MTCH2: variants seen among roughly 807,000 people sequenced by gnomAD.
MTCH2 encodes the protein mitochondrial carrier homolog 2.
Under a neutral mutation model 50.6 loss-of-function variants are expected in MTCH2, and 25 were observed. The observed-to-expected ratio is 0.49, with a 90% CI of 0.36 to 0.69. MTCH2 has a LOEUF of 0.69. Ranked by LOEUF, MTCH2 falls within the 30% of genes least tolerant of loss-of-function variation. The pLI is 0.00. For synonymous variants in MTCH2, 106 were observed against 132.0 expected (o/e 0.80, Z 1.35); for missense variants, 273 against 384.4 (o/e 0.71, Z 2.42).
intron 1 of MTCH2, among the ~76,000 whole-genome samples, chr11:47,640,141 C>G (rs2097312696): frequency 6.6e-6 from 1 of 151,954 alleles, no homozygotes; most frequent in Non-Finnish European, 1.5e-5. Context: ...CCAGCCTGGC[C>G]AACATGGTGA....
downstream of MTCH2, among the ~76,000 whole-genome samples, chr11:47,614,963 C>T (rs1158006910): frequency 6.8e-6 from 1 of 146,226 alleles, no homozygotes; most frequent in African/African-American, 2.5e-5. Flanking sequence ...TTGTGATCAA[C>T]TAGTTGCAAT....
intron 1 of MTCH2, 48 bp downstream of exon 1, chr11:47,642,331 C>T: frequency 6.6e-7 from 1 of 1,521,226 alleles, no homozygotes; most frequent in Non-Finnish European, 8.9e-7. Flanking sequence ...TGAGCAGCAG[C>T]GACCGAACGG....
intron 1 of MTCH2, 127 bp from the exon 2 acceptor site, chr11:47,639,178 T>C: frequency 1.3e-6 from 1 of 775,310 alleles, no homozygotes; most frequent in South Asian, 1.9e-5. Context: ...GCATAGGTTT[T>C]CCAAGGCAAT....
intron 1 of MTCH2, among the ~76,000 whole-genome samples, chr11:47,641,168 G>A (rs1376411073): frequency 6.6e-6 from 1 of 152,158 alleles, no homozygotes; most frequent in Non-Finnish European, 1.5e-5. Context: ...TGCTGGGAAG[G>A]CGTGAGCGAA....
chr11:47,638,855 A>G (rs2097311376), intron 2 of MTCH2, 50 bp from the exon 3 acceptor site: 6 of 1,559,064 alleles, frequency 3.8e-6, no homozygotes, highest in Non-Finnish European at 5.2e-6. Flanking sequence ...AGAGAAATGG[A>G]TATACTACAA....
intron 1 of MTCH2, among the ~76,000 whole-genome samples, chr11:47,639,739 G>A (rs1042658096): frequency 6.6e-6 from 1 of 152,122 alleles, no homozygotes; most frequent in African/African-American, 2.4e-5. Context: ...TTGGGAGGCT[G>A]AGGCAGGAGA....
In MTCH2 at chr11:47,642,452, G is replaced by A. The variant is rs751816201; in HGVS notation, c.14C>T (p.Ala5Val). 8 of 1,593,952 alleles carry A rather than the reference G, an allele frequency of 5.0e-6. No individual in the cohort carries two copies. Among genetic ancestry groups the A allele is most frequent in the East Asian group, 2.3e-5 (1 of 43,410 alleles). ...ACCGGAGCCCAGGAGCACCTGACTG[G>A]CCGCGTCCGCCATGATGGCACCCGC... MADA[A>V]SQVLLGSGLT... is the part of the protein sequence containing the mutation. Residue 5 changes from alanine to valine, a missense_variant, in exon 1 of 13, where the codon GCC (alanine) becomes GTC (valine). Transcript: ENST00000302503.
At chr11:47,626,502 C>T (rs573472727) in intron 10 of MTCH2, among the ~76,000 whole-genome samples, 16 of 152,086 alleles carry the variant, frequency 1.1e-4, no homozygotes, top group African/African-American at 3.1e-4. Flanking sequence ...AGGAAAGGCA[C>T]GCCCCTTATG....
chr11:47,608,644 G>C, the MTCH2 span, among the ~76,000 whole-genome samples: 1 of 152,098 alleles, frequency 6.6e-6, no homozygotes, highest in Non-Finnish European at 1.5e-5. Context: ...GGCTTGGGGC[G>C]GAAGGATTAA....
intron 5 of MTCH2, among the ~76,000 whole-genome samples, chr11:47,634,208 T>C (rs2097306377): frequency 6.6e-6 from 1 of 152,150 alleles, no homozygotes; most frequent in Admixed American, 6.6e-5. Flanking sequence ...CTCGAGTACC[T>C]GGGACTACAG....
At chr11:47,634,631 T>C (rs780494933) in intron 5 of MTCH2, 41 bp downstream of exon 5, 1 of 1,499,160 alleles carries the variant, frequency 6.7e-7, no homozygotes, top group Non-Finnish European at 9.2e-7. Flanking sequence ...ACACCACAGT[T>C]TGATCTGGGC....
At chr11:47,615,508 CAT>C (rs1008586878), downstream of MTCH2, among the ~76,000 whole-genome samples, 5 of 152,066 alleles carry the variant, frequency 3.3e-5, no homozygotes, top group African/African-American at 1.2e-4. Context: ...AGTACAGAAA[CAT>C]GTCACTGGCA....
downstream of MTCH2, among the ~76,000 whole-genome samples, chr11:47,615,524 G>C (rs1246356407): frequency 1.3e-5 from 2 of 152,162 alleles, no homozygotes; most frequent in Non-Finnish European, 2.9e-5. Flanking sequence ...ACTGGCAAGA[G>C]GGGGAGGACA....
the MTCH2 span, among the ~76,000 whole-genome samples, chr11:47,609,728 G>T: frequency 4.9e-3 from 745 of 151,966 alleles, 8 homozygotes; most frequent in African/African-American, 0.017. Context: ...GCCTGTGTAG[G>T]TAGAGGAGAG....
intron 3 of MTCH2, among the ~76,000 whole-genome samples, 141 bp downstream of exon 3, chr11:47,638,545 CAAAAAAAAAAAAA>C (rs59317101): frequency 5.7e-5 from 3 of 53,068 alleles, no homozygotes; most frequent in African/African-American, 8.5e-5. Context: ...GACTCCATCT[CAAAAAAAAAAAAA>C]AAAAAAAAGA....
rs1209065807 is a variant in MTCH2, at chr11:47,642,529, T to G, written c.-64A>C. On this transcript the variant is annotated 5_prime_UTR_variant, in exon 1 of 13. Transcript: ENST00000302503. The stretch of plus-strand genomic sequence containing the variant: ...ACCAAGCGACCCGGTGAGCCGGTCC[T>G]AGGTCACGTGCCAGGGCCGCCGGTT... The G allele has an allele frequency of 1.4e-6, 2 of 1,463,576 alleles. No homozygotes were observed. The highest frequency in any genetic ancestry group is 2.2e-5 in the Admixed American group (1 of 45,764). The allele number at this position is 1,463,576 out of a possible 1,614,324, so 90.7% of individuals were successfully genotyped here. A position where few individuals can be genotyped will look rare whatever the true frequency, so the allele number is the denominator to read the frequency against.
intron 9 of MTCH2, 57 bp from the exon 10 acceptor site, chr11:47,627,184 T>G: frequency 1.6e-6 from 2 of 1,255,350 alleles, no homozygotes; most frequent in African/African-American, 1.6e-5. Flanking sequence ...CACATCAATA[T>G]ATTCTTTTTT....
chr11:47,605,718 A>T, the MTCH2 span, among the ~76,000 whole-genome samples: 1 of 152,224 alleles, frequency 6.6e-6, no homozygotes, highest in East Asian at 1.9e-4. Flanking sequence ...CTGACTGGGC[A>T]GTCTCTGAGA....
At position 47,618,695 on chromosome 11, in the gene MTCH2, C is replaced by CA; in HGVS notation, c.*137dup. 2 of 827,520 alleles carry CA rather than the reference C, an allele frequency of 2.4e-6. No individual in the cohort carries two copies. Among genetic ancestry groups the CA allele is most frequent in the Non-Finnish European group, 4.0e-6 (2 of 503,218 alleles). 51.3% of individuals were successfully genotyped at this position (827,520 alleles called of 1,614,324 possible). A position where few individuals can be genotyped will look rare whatever the true frequency, so the allele number is the denominator to read the frequency against. The stretch of plus-strand genomic sequence containing the variant: ...GTGCTGGAAAAAAGAACAAAAAAGG[C>CA]AGACACCAAACACCTGAATTTTCCC... On this transcript the variant is annotated 3_prime_UTR_variant, in exon 13 of 13. Transcript: ENST00000302503.
Sources: gnomAD v4.1 joint callset for allele counts (sites outside exome capture counted in the v4.1 genomes callset) on GRCh38, gnomAD v4.1.1 for gene constraint, MANE v1.5 for transcripts, NCBI Gene and HGNC (gene_info 2026-07-23, HGNC 2026-07-21) for gene names.